The following PKD1L1 variants were observed in gnomAD, a reference collection of about 807,000 sequenced individuals.
PKD1L1 encodes the protein polycystin 1 like 1, transient receptor potential channel interacting, also known as polycystin-1-like protein 1.
A neutral mutation model predicts 323.4 loss-of-function variants in PKD1L1; 236 were observed. The observed-to-expected ratio is 0.73, with a 90% confidence interval of 0.66 to 0.81. The LOEUF is 0.81. Among genes scored for constraint, PKD1L1 ranks in the 40% least tolerant of loss-of-function variants. The pLI is 0.00. For missense variants in PKD1L1, 3,320 were observed against 3,508.0 expected, an observed-to-expected ratio of 0.95 and a Z score of 1.35; for synonymous variants, 1,344 against 1,335.0, an observed-to-expected ratio of 1.01 and a Z score of -0.15.
At chr7:47,817,586 T>A (rs1785046602) in intron 46 of PKD1L1, among the ~76,000 whole-genome samples, 1 of 152,218 alleles carries the variant, frequency 6.6e-6, no homozygotes, top group Non-Finnish European at 1.5e-5. Flanking sequence ...AATTTCCATA[T>A]GGCTGGGCAC....
intron 56 of PKD1L1, among the ~76,000 whole-genome samples, chr7:47,791,724 A>G (rs544237067): frequency 2.5e-4 from 38 of 152,146 alleles, no homozygotes; most frequent in Non-Finnish European, 5.0e-4. Flanking sequence ...GGGCCCGGGA[A>G]GGGCTGGGGC....
chr7:47,830,011 G>A (rs748644033), intron 43 of PKD1L1, 29 bp downstream of exon 43: 3 of 1,599,442 alleles, frequency 1.9e-6, no homozygotes, highest in South Asian at 1.1e-5. Context: ...CTGATGGAAG[G>A]CACTTCTACC....
chr7:47,790,103 A>AAACC (rs1786904668), intron 56 of PKD1L1, among the ~76,000 whole-genome samples: 1 of 151,866 alleles, frequency 6.6e-6, no homozygotes, highest in South Asian at 2.1e-4. Flanking sequence ...GTTAGCCAGG[A>AAACC]TGGTCTCGAT....
intron 42 of PKD1L1, 121 bp from the exon 43 acceptor site, chr7:47,830,245 G>A (rs1171638663): frequency 2.7e-6 from 2 of 752,084 alleles, no homozygotes; most frequent in East Asian, 2.7e-5. Context: ...GTGGCAGGAA[G>A]CCTGCTGTGG....
chr7:47,785,103 T>C (rs576228941), intron 56 of PKD1L1, among the ~76,000 whole-genome samples: 1 of 152,296 alleles, frequency 6.6e-6, no homozygotes, highest in South Asian at 2.1e-4. Context: ...AGTCTAGGAA[T>C]ATACTGGTCC....
At chr7:47,901,623 G>A (rs1008102767) in intron 13 of PKD1L1, among the ~76,000 whole-genome samples, 2 of 152,182 alleles carry the variant, frequency 1.3e-5, no homozygotes, top group Admixed American at 6.5e-5. Flanking sequence ...GTGGGTGCTC[G>A]CTGGTCTAAA....
At chr7:47,901,805 A>G (rs1004253817) in intron 13 of PKD1L1, among the ~76,000 whole-genome samples, 1 of 152,212 alleles carries the variant, frequency 6.6e-6, no homozygotes, top group African/African-American at 2.4e-5. Flanking sequence ...TTTAATTCCC[A>G]TGTGTCATTT....
chr7:47,873,751 G>A (rs1053169496), intron 24 of PKD1L1, 148 bp downstream of exon 24: 3 of 558,140 alleles, frequency 5.4e-6, no homozygotes, highest in Non-Finnish European at 9.5e-6. Flanking sequence ...GGATTGCAGT[G>A]ATAGCACCCG....
chr7:47,833,819 G>T (rs977946294), intron 40 of PKD1L1, among the ~76,000 whole-genome samples: 2 of 152,188 alleles, frequency 1.3e-5, no homozygotes, highest in Non-Finnish European at 2.9e-5. Context: ...CTATAGCAAT[G>T]GGGTAACGCA....
Position 47,913,566 on chromosome 7 carries a change from T to A in PKD1L1, c.1228+1866A>T, listed in dbSNP as rs111841705. ...CTGTCCTCATGATAGTGAGTTCTCA[T>A]GAGATCTGGTCTTTTAAAAGTGTGT... On this transcript the variant is annotated intron_variant, in intron 8 of 56. Transcript: ENST00000289672. Among the ~76,000 whole-genome samples the A allele has an allele frequency of 9.2e-5, 14 of 152,192 alleles. No individual in the cohort carries two copies. In the East Asian group the frequency reaches 2.5e-3, roughly 27 times the overall value.
intron 46 of PKD1L1, chr7:47,819,581 G>A (rs766378394): frequency 6.6e-6 from 9 of 1,364,090 alleles, no homozygotes; most frequent in Non-Finnish European, 6.9e-6. Flanking sequence ...GGAAATAACT[G>A]CTGGTTTCAC....
the PKD1L1 span, among the ~76,000 whole-genome samples, chr7:47,958,561 C>A: frequency 6.6e-6 from 1 of 152,122 alleles, no homozygotes; most frequent in Non-Finnish European, 1.5e-5. Flanking sequence ...TTCAAAAGCA[C>A]AGGCAACAAA....
At chr7:47,913,056 C>G (rs1442617413) in intron 8 of PKD1L1, among the ~76,000 whole-genome samples, 7 of 152,000 alleles carry the variant, frequency 4.6e-5, no homozygotes, top group East Asian at 1.9e-4. Flanking sequence ...CTCAGGTGGT[C>G]ATGATGCTGC....
In PKD1L1 at chr7:47,834,266, A is replaced by C. The variant is rs1785408840; in HGVS notation, c.6174+73T>G. The C allele has an allele frequency of 3.4e-6, 5 of 1,463,900 alleles. No individual in the cohort carries two copies. The East Asian group carries it at 1.2e-4, about 34-fold the overall frequency. 90.7% of individuals were successfully genotyped at this position (1,463,900 alleles called of 1,614,324 possible). On this transcript the variant is annotated intron_variant, in intron 40 of 56. Coordinates refer to ENST00000289672, the MANE Select transcript of PKD1L1 (RefSeq NM_138295.5). ...TCCATGGCCAGACCATAGCCAAGGG[A>C]GGATGCCAGAGAAATCTAATTGTTT...
intron 47 of PKD1L1, among the ~76,000 whole-genome samples, 180 bp downstream of exon 47, chr7:47,815,154 G>A (rs1041822785): frequency 4.6e-5 from 7 of 152,194 alleles, no homozygotes; most frequent in Non-Finnish European, 1.0e-4. Context: ...GGGCCAATGG[G>A]TTCTGGCAGG....
At chr7:47,799,370 C>T (rs1784611990) in intron 54 of PKD1L1, among the ~76,000 whole-genome samples, 1 of 152,178 alleles carries the variant, frequency 6.6e-6, no homozygotes, top group African/African-American at 2.4e-5. Context: ...CTTTTAGTTT[C>T]CCTCTAGCTA....
Position 47,821,069 on chromosome 7 carries a change from C to T in PKD1L1, c.6965+7G>A. 1 of 1,551,538 alleles carries T rather than the reference C, an allele frequency of 6.4e-7. No homozygotes were observed. Among genetic ancestry groups the T allele is most frequent in the Non-Finnish European group, 8.9e-7 (1 of 1,123,168 alleles). On this transcript the variant is annotated splice_region_variant and intron_variant, in intron 46 of 56. Transcript: ENST00000289672. ...CCAGATCTGGAAGAGTTACCCAAACCTCCTACCTTGTAAATTCTTTCCGGA... is the reference window on the plus strand; with the variant it reads ...CCAGATCTGGAAGAGTTACCCAAACTTCCTACCTTGTAAATTCTTTCCGGA...
At chr7:47,828,831 T>C (rs1250818292) in intron 44 of PKD1L1, among the ~76,000 whole-genome samples, 1 of 152,166 alleles carries the variant, frequency 6.6e-6, no homozygotes, top group Non-Finnish European at 1.5e-5. Flanking sequence ...TGACTCTCAA[T>C]GCACTGGGAT....
At chr7:47,932,443 G>A (rs1180109143) in intron 4 of PKD1L1, among the ~76,000 whole-genome samples, 5 of 152,202 alleles carry the variant, frequency 3.3e-5, no homozygotes, top group African/African-American at 2.4e-5. Context: ...AGGGGGCACC[G>A]CGGAAGGCCT....
Sources: gnomAD v4.1 joint callset for allele counts (sites outside exome capture counted in the v4.1 genomes callset) on GRCh38, gnomAD v4.1.1 for gene constraint, MANE v1.5 for transcripts, NCBI Gene and HGNC (gene_info 2026-07-23, HGNC 2026-07-21) for gene names.